The following AATK variants were observed in gnomAD, a reference collection of about 807,000 sequenced individuals.
AATK encodes the protein serine/threonine-protein kinase LMTK1.
In AATK, 91 loss-of-function variants were observed where a neutral mutation model predicts 114.3. The observed-to-expected ratio is 0.80, with a 90% CI of 0.67 to 0.95. AATK has a LOEUF of 0.95. AATK is among the 40% of genes least tolerant of loss of function. The pLI is 0.00. For missense variants in AATK, 2,176 were observed against 1,965.2 expected, an observed-to-expected ratio of 1.11 and a Z score of -2.03; for synonymous variants, 1,075 against 916.5, an observed-to-expected ratio of 1.17 and a Z score of -3.12.
intron 1 of AATK, among the ~76,000 whole-genome samples, chr17:81,138,189 G>T (rs1217695975): frequency 7.1e-6 from 1 of 140,544 alleles, no homozygotes; most frequent in Non-Finnish European, 1.5e-5. Flanking sequence ...ACACATGCGT[G>T]CACACACACA....
At chr17:81,119,764 A>G (rs967542041) in intron 12 of AATK, among the ~76,000 whole-genome samples, 172 bp downstream of exon 12, 7 of 148,456 alleles carry the variant, frequency 4.7e-5, no homozygotes, top group African/African-American at 1.5e-4. Flanking sequence ...GCCTTCCGTG[A>G]CGTCACGTAC....
intron 1 of AATK, among the ~76,000 whole-genome samples, chr17:81,151,411 G>T (rs2061295657): frequency 1.7e-5 from 1 of 60,158 alleles, no homozygotes; most frequent in South Asian, 8.1e-4. Flanking sequence ...GGCTCCTGGG[G>T]CTGGGGGGAC....
At chr17:81,158,857 G>A (rs1473706559) in intron 1 of AATK, among the ~76,000 whole-genome samples, 1 of 152,094 alleles carries the variant, frequency 6.6e-6, no homozygotes, top group African/African-American at 2.4e-5. Flanking sequence ...CATGGGGATG[G>A]GGGCAAAATG....
Position 81,121,703 on chromosome 17 carries a change from G to A in AATK, c.2233C>T (p.Leu745Phe). The A allele has an allele frequency of 6.7e-7, 1 of 1,496,052 alleles. No homozygotes were observed. Among genetic ancestry groups the A allele is most frequent in the Non-Finnish European group, 8.9e-7 (1 of 1,126,354 alleles). 92.7% of individuals were successfully genotyped at this position (1,496,052 alleles called of 1,614,324 possible). Residue 745 changes from leucine to phenylalanine, a missense_variant, in exon 11 of 14, where the codon CTC becomes TTC. Coordinates refer to ENST00000326724, the MANE Select transcript of AATK (RefSeq NM_001080395.3). ...SAQEPGCCPG[L>F]PHLCSAQGLA... ...CCCTGGGCAGAGCATAGATGAGGGA[G>A]GCCGGGGCAGCAGCCTGGCTCCTGG...
chr17:81,138,595 C>T (rs941732884), intron 1 of AATK, among the ~76,000 whole-genome samples: 2 of 150,036 alleles, frequency 1.3e-5, no homozygotes, highest in Non-Finnish European at 3.0e-5. Context: ...CACACGTGCA[C>T]ACCCACACGC....
chr17:81,145,100 G>GC (rs770964336), intron 1 of AATK, among the ~76,000 whole-genome samples: 106 of 152,254 alleles, frequency 7.0e-4, no homozygotes, highest in Non-Finnish European at 1.3e-3. Flanking sequence ...AGGTGTGGTG[G>GC]CAGGTGCCTG....
At chr17:81,152,155 G>A (rs2061307428) in intron 1 of AATK, among the ~76,000 whole-genome samples, 2 of 152,212 alleles carry the variant, frequency 1.3e-5, no homozygotes, top group Admixed American at 1.3e-4. Flanking sequence ...GCACTTGCCT[G>A]TAATCCCAGC....
chr17:81,162,871 G>A (rs1037259518), intron 1 of AATK, among the ~76,000 whole-genome samples: 3 of 152,082 alleles, frequency 2.0e-5, no homozygotes, highest in African/African-American at 2.4e-5. Flanking sequence ...CACGTGTTCC[G>A]AGAACTTCCA....
Position 81,122,378 on chromosome 17 carries a change from T to C in AATK, c.1558A>G (p.Ser520Gly). The C allele has an allele frequency of 6.7e-7, 1 of 1,496,018 alleles. No individual in the cohort carries two copies. Among genetic ancestry groups the C allele is most frequent in the African/African-American group, 1.4e-5 (1 of 69,044 alleles). 92.7% of individuals were successfully genotyped at this position (1,496,018 alleles called of 1,614,324 possible). Residue 520 changes from serine to glycine, a missense_variant, in exon 11 of 14, where the codon AGC (serine) becomes GGC (glycine). Around this residue, in one of 4 missense-constraint regions of AATK, gnomAD observed 1,701 missense variants for 1,394.7 expected, o/e 1.22. Transcript: ENST00000326724. ...CTGCCCAGCGACGGGCTGTGCGCGCTGAGCACCGGAACCACGCCCGGGGGC... is the reference window on the plus strand; with the variant it reads ...CTGCCCAGCGACGGGCTGTGCGCGCCGAGCACCGGAACCACGCCCGGGGGC... ...GAPPGVVPVL[S>G]AHSPSLGSEY...
At chr17:81,131,355 G>A (rs915055135) in intron 2 of AATK, 150 bp from the exon 3 acceptor site, 1 of 1,057,916 alleles carries the variant, frequency 9.5e-7, no homozygotes, top group African/African-American at 1.6e-5. Context: ...CGCCCCTGCA[G>A]GCCAATGGCC....
rs193083148 is a variant in AATK, at chr17:81,131,192, G to T, written c.203C>A (p.Ala68Glu). 3 of 1,580,120 alleles carry T rather than the reference G, an allele frequency of 1.9e-6. No individual in the cohort carries two copies. The highest frequency in any genetic ancestry group is 1.3e-5 in the African/African-American group (1 of 74,458). ...GGIGFKEFENAEGDEYAADLA... is the reference protein window; with the variant it reads ...GGIGFKEFENEEGDEYAADLA... The stretch of plus-strand genomic sequence containing the variant: ...GTCGGCTGCGTACTCGTCCCCCTCC[G>T]CATTCTCAAACTCCTGCGGGCCGGG... The change falls in exon 3 of 14, where the codon GCG becomes GAG. Residue 68 changes from alanine (A) to glutamate (E), a missense_variant. Coordinates refer to ENST00000326724, the MANE Select transcript of AATK (RefSeq NM_001080395.3).
At chr17:81,165,726 G>T (rs762779798) in intron 1 of AATK, 1 of 1,522,224 alleles carries the variant, frequency 6.6e-7, no homozygotes, top group Non-Finnish European at 8.8e-7. Context: ...CGCGGGGGAC[G>T]CCAGCCCACA....
At chr17:81,146,311 A>T (rs1198308753) in intron 1 of AATK, among the ~76,000 whole-genome samples, 1 of 149,886 alleles carries the variant, frequency 6.7e-6, no homozygotes, top group Admixed American at 6.6e-5. Flanking sequence ...CAGTGAGCCA[A>T]GATTGAGCCA....
intron 12 of AATK, 25 bp downstream of exon 12, chr17:81,119,911 C>T (rs2060675995): frequency 7.1e-6 from 10 of 1,415,660 alleles, no homozygotes; most frequent in East Asian, 2.8e-5. Flanking sequence ...CGTGACGTCA[C>T]GGGCCCAGCC....
In AATK at chr17:81,118,278, G is replaced by A. The variant is rs1380164671; in HGVS notation, c.*124C>T. 8.1e-6 allele frequency: 8 copies of A among 989,838 alleles called. No individual in the cohort carries two copies. Among genetic ancestry groups the A allele is most frequent in the Middle Eastern group, 2.7e-4 (1 of 3,724 alleles). The allele number at this position is 989,838 out of a possible 1,614,324, so 61.3% of individuals were successfully genotyped here. ...TCTCCAGGACACCGCGTGGGGCAGA[G>A]GCACCTGAATCTGCTGCCAACAGCC... On this transcript the variant is annotated 3_prime_UTR_variant, in exon 14 of 14. Transcript: ENST00000326724.
intron 12 of AATK, 61 bp downstream of exon 12, chr17:81,119,874 AC>A: frequency 2.9e-6 from 4 of 1,395,606 alleles, no homozygotes; most frequent in Non-Finnish European, 3.7e-6. Context: ...CCCGCCTCCC[AC>A]ACAGCACGGA....
chr17:81,138,546 G>A (rs1171570597), intron 1 of AATK, among the ~76,000 whole-genome samples: 4 of 125,310 alleles, frequency 3.2e-5, no homozygotes, highest in East Asian at 2.7e-4. Flanking sequence ...ACGTTCGCGT[G>A]CACACACGTG....
At chr17:81,147,137 C>G (rs966976558) in intron 1 of AATK, among the ~76,000 whole-genome samples, 1 of 151,272 alleles carries the variant, frequency 6.6e-6, no homozygotes, top group Non-Finnish European at 1.5e-5. Flanking sequence ...CCGAGGCAGA[C>G]AGATCACGAA....
At chr17:81,138,418 T>C in intron 1 of AATK, among the ~76,000 whole-genome samples, 1 of 103,290 alleles carries the variant, frequency 9.7e-6, no homozygotes, top group Non-Finnish European at 1.9e-5. Flanking sequence ...TGCGTGCACA[T>C]ACCCATACAC....
Sources: allele counts gnomAD v4.1 joint callset (sites outside exome capture counted in the v4.1 genomes callset), GRCh38; gene constraint gnomAD v4.1.1; regional missense constraint gnomAD v4.1.1; transcripts MANE v1.5; gene names NCBI Gene and HGNC (gene_info 2026-07-23, HGNC 2026-07-21).